The following KMT2C variants were observed in gnomAD, a reference collection of about 807,000 sequenced individuals.
KMT2C encodes the protein histone-lysine N-methyltransferase 2C.
KMT2C carries 88 observed loss-of-function variants against 507.9 expected under a neutral mutation model. That is an observed-to-expected ratio of 0.17 (90% confidence interval 0.15 to 0.21). The LOEUF is 0.21. KMT2C is among the 10% of genes least tolerant of loss of function. KMT2C has a pLI of 1.00. For synonymous variants in KMT2C, 2,049 were observed against 2,080.8 expected (o/e 0.98, Z 0.42); for missense variants, 4,954 against 5,957.8 (o/e 0.83, Z 5.55).
At chr7:152,375,706 T>C (rs1589559348) in intron 1 of KMT2C, among the ~76,000 whole-genome samples, 1 of 152,108 alleles carries the variant, frequency 6.6e-6, no homozygotes, top group African/African-American at 2.4e-5. Flanking sequence ...ACTGACACCA[T>C]TTTCCAGCAG....
intron 37 of KMT2C, among the ~76,000 whole-genome samples, chr7:152,179,630 T>TA (rs1210882223): frequency 7.1e-6 from 1 of 140,350 alleles, no homozygotes; most frequent in African/African-American, 2.6e-5. Context: ...CTATTTCTTT[T>TA]AAAAAATTTT....
chr7:152,331,599 A>T (rs745824471), intron 2 of KMT2C, among the ~76,000 whole-genome samples: 76 of 148,008 alleles, frequency 5.1e-4, no homozygotes, highest in Admixed American at 1.4e-3. Context: ...ACACATCTAG[A>T]TCCTACCTCA....
At chr7:152,259,431 C>G (rs1161969736) in intron 9 of KMT2C, among the ~76,000 whole-genome samples, 3 of 140,122 alleles carry the variant, frequency 2.1e-5, no homozygotes, top group African/African-American at 8.3e-5. Flanking sequence ...GACAAAAACA[C>G]AGACACACAC....
chr7:152,381,642 T>C (rs2097375034), intron 1 of KMT2C, among the ~76,000 whole-genome samples: 2 of 152,284 alleles, frequency 1.3e-5, no homozygotes, highest in African/African-American at 4.8e-5. Flanking sequence ...ATTTGGCAAG[T>C]AGAAGTAAAG....
intron 26 of KMT2C, among the ~76,000 whole-genome samples, chr7:152,201,491 TA>T (rs2094139352): frequency 6.6e-6 from 1 of 151,924 alleles, no homozygotes; most frequent in Non-Finnish European, 1.5e-5. Context: ...GAAAGCTTCT[TA>T]AATTTATATT....
chr7:152,151,815 A>G (rs919687084), intron 49 of KMT2C, among the ~76,000 whole-genome samples: 1 of 152,256 alleles, frequency 6.6e-6, no homozygotes, highest in African/African-American at 2.4e-5. Context: ...TGGCAGTATA[A>G]AAGAAGAATC....
At chr7:152,274,705 T>C (rs2096049391) in intron 6 of KMT2C, among the ~76,000 whole-genome samples, 1 of 152,236 alleles carries the variant, frequency 6.6e-6, no homozygotes. Flanking sequence ...TACTATACAG[T>C]ATGACATCTC....
chr7:152,197,026 G>A (rs978368202), intron 27 of KMT2C, among the ~76,000 whole-genome samples: 18 of 152,150 alleles, frequency 1.2e-4, no homozygotes, highest in Admixed American at 1.2e-3. Context: ...CTGAAAGATA[G>A]GAGATGACTA....
chr7:152,385,916 C>T (rs1390573607), intron 1 of KMT2C, among the ~76,000 whole-genome samples: 1 of 151,402 alleles, frequency 6.6e-6, no homozygotes, highest in Non-Finnish European at 1.5e-5. Flanking sequence ...AGTGAAACCC[C>T]GACTCTACTA....
intron 1 of KMT2C, among the ~76,000 whole-genome samples, chr7:152,435,203 CGA>C (rs2097905424): frequency 6.6e-6 from 1 of 151,990 alleles, no homozygotes; most frequent in African/African-American, 2.4e-5. Flanking sequence ...TTGACAGCTC[CGA>C]GAGTTTCCCG....
chr7:152,429,624 G>C (rs564689943), intron 1 of KMT2C, among the ~76,000 whole-genome samples: 1 of 151,610 alleles, frequency 6.6e-6, no homozygotes, highest in Non-Finnish European at 1.5e-5. Flanking sequence ...GGGTTCAAGC[G>C]ATTCTCCTGC....
At chr7:152,265,746 A>G (rs2129173948) in intron 7 of KMT2C, among the ~76,000 whole-genome samples, 1 of 152,226 alleles carries the variant, frequency 6.6e-6, no homozygotes, top group Non-Finnish European at 1.5e-5. Flanking sequence ...ATTACTGGAA[A>G]ATGCCTTATG....
intron 3 of KMT2C, among the ~76,000 whole-genome samples, chr7:152,329,402 C>A (rs926516432): frequency 2.7e-5 from 4 of 148,594 alleles, no homozygotes; most frequent in Non-Finnish European, 4.5e-5. Flanking sequence ...CAGTCTCTAC[C>A]AAAAAAAAAG....
intron 6 of KMT2C, among the ~76,000 whole-genome samples, chr7:152,286,659 C>T (rs1010502084): frequency 1.3e-5 from 2 of 152,158 alleles, no homozygotes; most frequent in East Asian, 1.9e-4. Context: ...CTAAATACAG[C>T]TTTAAAAACC....
chr7:152,187,055 A>G (rs371538605), intron 33 of KMT2C, among the ~76,000 whole-genome samples: 1 of 152,208 alleles, frequency 6.6e-6, no homozygotes. Context: ...CACTAATTGA[A>G]ACTAATTTTT....
chr7:152,325,899 A>C (rs2096824032), intron 3 of KMT2C, among the ~76,000 whole-genome samples: 1 of 151,806 alleles, frequency 6.6e-6, no homozygotes, highest in Non-Finnish European at 1.5e-5. Context: ...GACATGAATA[A>C]ATTAGGTCTT....
intron 2 of KMT2C, among the ~76,000 whole-genome samples, chr7:152,355,373 C>T (rs747841069): frequency 1.3e-5 from 2 of 151,992 alleles, no homozygotes; most frequent in Non-Finnish European, 2.9e-5. Flanking sequence ...CTGAAAGATA[C>T]AGGTTGTGTT....
At chr7:152,329,023 G>A (rs1358623990) in intron 3 of KMT2C, among the ~76,000 whole-genome samples, 1 of 151,980 alleles carries the variant, frequency 6.6e-6, no homozygotes, top group Non-Finnish European at 1.5e-5. Flanking sequence ...AAAGTCTGGA[G>A]TTCAGGTAAA....
intron 3 of KMT2C, among the ~76,000 whole-genome samples, chr7:152,329,584 AAAAGAAAGG>A (rs2096861040): frequency 6.6e-6 from 1 of 151,586 alleles, no homozygotes; most frequent in Non-Finnish European, 1.5e-5. Flanking sequence ...AATAAAAAAA[AAAAGAAAGG>A]AAAGGAAGAA....
Sources: allele counts gnomAD v4.1 joint callset (sites outside exome capture counted in the v4.1 genomes callset), GRCh38; gene constraint gnomAD v4.1.1; transcripts MANE v1.5; gene names NCBI Gene and HGNC (gene_info 2026-07-23, HGNC 2026-07-21).